Variants in FTCDNL1 observed in about 807,000 individuals in gnomAD.
The protein encoded by FTCDNL1 is formiminotransferase N-terminal subdomain-containing protein.
Under a neutral mutation model 5.9 loss-of-function variants are expected in FTCDNL1, and 11 were observed. That is an observed-to-expected ratio of 1.87 (90% CI 1.18 to 3.10). The LOEUF (loss-of-function observed/expected upper bound fraction) is 3.10, where lower values mean the gene tolerates loss of function less well. Ranked by LOEUF, FTCDNL1 falls within the 30% of genes most tolerant of loss-of-function variation. The pLI is 0.00. For missense variants in FTCDNL1, 115 were observed against 65.5 expected (o/e 1.76, Z -2.61); for synonymous variants, 58 against 24.8 (o/e 2.34, Z -3.99).
At position 199,812,371 on chromosome 2, in the gene FTCDNL1, AT is replaced by A. The variant is rs142764957; in HGVS notation, c.*333del. ...TCAAAACCAATACGGTGATCCAATTATACTGAATCAAATTCTGTGTTTAAAT... is the reference window on the plus strand; with the variant it reads ...TCAAAACCAATACGGTGATCCAATTAACTGAATCAAATTCTGTGTTTAAAT... On this transcript the variant is annotated 3_prime_UTR_variant, in exon 5 of 5. Coordinates refer to ENST00000420128, the MANE Select transcript of FTCDNL1 (RefSeq NM_001363886.2). 23,615 of 253,248 alleles carry A rather than the reference AT, an allele frequency of 0.093. 1,432 individuals carry two copies. The highest frequency in any genetic ancestry group is 0.17 in the Middle Eastern group (142 of 852). The allele number at this position is 253,248 out of a possible 1,614,324, so 15.7% of individuals were successfully genotyped here. A position where few individuals can be genotyped will look rare whatever the true frequency, so the allele number is the denominator to read the frequency against.
the FTCDNL1 span, among the ~76,000 whole-genome samples, chr2:199,716,484 T>C: frequency 6.6e-6 from 1 of 152,210 alleles, no homozygotes; most frequent in Non-Finnish European, 1.5e-5. Flanking sequence ...AGAGTAATTA[T>C]ATTGTCTACA....
At chr2:199,813,076 G>C (rs893056676) in intron 4 of FTCDNL1, among the ~76,000 whole-genome samples, 2 of 152,180 alleles carry the variant, frequency 1.3e-5, no homozygotes, top group African/African-American at 4.8e-5. Flanking sequence ...CATCTGATGT[G>C]TAGCTTTTGC....
At chr2:199,747,674 A>T in the FTCDNL1 span, among the ~76,000 whole-genome samples, 1 of 152,036 alleles carries the variant, frequency 6.6e-6, no homozygotes, top group Non-Finnish European at 1.5e-5. Flanking sequence ...ATCGTTTATG[A>T]TTTGCATTTC....
chr2:199,768,510 A>G (rs1200990790), intron 3 of FTCDNL1, among the ~76,000 whole-genome samples: 1 of 152,228 alleles, frequency 6.6e-6, no homozygotes, highest in Non-Finnish European at 1.5e-5. Context: ...AATGGCCCAG[A>G]GCAAAATCAT....
chr2:199,736,571 T>C, the FTCDNL1 span, among the ~76,000 whole-genome samples: 1 of 152,228 alleles, frequency 6.6e-6, no homozygotes, highest in African/African-American at 2.4e-5. Context: ...ACCTCTGTAT[T>C]GCTAATTCAA....
chr2:199,803,854 A>G (rs887336856), intron 3 of FTCDNL1, among the ~76,000 whole-genome samples: 1 of 152,184 alleles, frequency 6.6e-6, no homozygotes, highest in African/African-American at 2.4e-5. Context: ...CAATAGGCTA[A>G]GAGCACTTAG....
the FTCDNL1 span, among the ~76,000 whole-genome samples, chr2:199,733,232 C>T: frequency 6.6e-6 from 1 of 152,122 alleles, no homozygotes; most frequent in African/African-American, 2.4e-5. Flanking sequence ...AGCAGGAAAG[C>T]GTAAGGCAGG....
At chr2:199,761,259 A>T (rs1475715760) in intron 3 of FTCDNL1, among the ~76,000 whole-genome samples, 2 of 152,184 alleles carry the variant, frequency 1.3e-5, no homozygotes, top group African/African-American at 4.8e-5. Flanking sequence ...GGTCCTGCAC[A>T]ACCCACATCT....
At position 199,829,057 on chromosome 2, in the gene FTCDNL1, C is replaced by T. The variant is rs145663964; in HGVS notation, c.212-9300G>A. Among the ~76,000 whole-genome samples, 390 of 152,290 alleles carry T rather than the reference C, an allele frequency of 2.6e-3. 5 individuals are homozygous for T. Among genetic ancestry groups the T allele is most frequent in the African/African-American group, 8.9e-3 (370 of 41,570 alleles). ...CCTGTGGGATATCCATGCTGATCAG[C>T]TTTGTTAGACAAGGCATATATATGA... is the stretch of plus-strand genomic sequence containing the variant. On this transcript the variant is annotated intron_variant, in intron 3 of 4. Coordinates refer to ENST00000420128, the MANE Select transcript of FTCDNL1 (RefSeq NM_001363886.2).
chr2:199,742,796 A>G, the FTCDNL1 span, among the ~76,000 whole-genome samples: 1 of 152,212 alleles, frequency 6.6e-6, no homozygotes, highest in Admixed American at 6.5e-5. Context: ...GAAAAAGTTC[A>G]CTACAATAGA....
At chr2:199,762,052 G>GA (rs952613003) in intron 3 of FTCDNL1, among the ~76,000 whole-genome samples, 23 of 150,510 alleles carry the variant, frequency 1.5e-4, no homozygotes, top group African/African-American at 4.4e-4. Context: ...TAGCCGATGA[G>GA]AAAAAAAAAC....
At chr2:199,708,095 T>C in the FTCDNL1 span, among the ~76,000 whole-genome samples, 1 of 124,078 alleles carries the variant, frequency 8.1e-6, no homozygotes, top group Admixed American at 8.6e-5. Context: ...ATCACTGAGA[T>C]TCTGAGTTTT....
the FTCDNL1 span, among the ~76,000 whole-genome samples, chr2:199,726,798 C>A: frequency 6.6e-6 from 1 of 152,118 alleles, no homozygotes; most frequent in Non-Finnish European, 1.5e-5. Context: ...GGATCTCTGT[C>A]CCAGAGGGGC....
intron 3 of FTCDNL1, among the ~76,000 whole-genome samples, chr2:199,762,521 A>C (rs1040688433): frequency 6.6e-6 from 1 of 152,224 alleles, no homozygotes; most frequent in Non-Finnish European, 1.5e-5. Context: ...AGTTCCAGGA[A>C]AACTGGGGTC....
intron 3 of FTCDNL1, among the ~76,000 whole-genome samples, chr2:199,791,843 T>C (rs1479620456): frequency 6.6e-6 from 1 of 152,124 alleles, no homozygotes; most frequent in East Asian, 1.9e-4. Context: ...CATTCAAATA[T>C]ATGTATATGC....
chr2:199,803,605 CA>C (rs1208718192), intron 3 of FTCDNL1, among the ~76,000 whole-genome samples: 1 of 152,186 alleles, frequency 6.6e-6, no homozygotes. Context: ...GCTGGGACTA[CA>C]AGCGTGTATC....
the FTCDNL1 span, among the ~76,000 whole-genome samples, chr2:199,665,587 C>T: frequency 3.4e-5 from 5 of 147,778 alleles, no homozygotes; most frequent in Non-Finnish European, 5.9e-5. Flanking sequence ...GAGCCGAGAT[C>T]GTGCCATTTG....
At chr2:199,753,721 G>A in the FTCDNL1 span, among the ~76,000 whole-genome samples, 1 of 152,160 alleles carries the variant, frequency 6.6e-6, no homozygotes, top group African/African-American at 2.4e-5. Context: ...CTTCCTTACA[G>A]GGAGATAGCT....
At chr2:199,731,028 T>C in the FTCDNL1 span, among the ~76,000 whole-genome samples, 2 of 152,114 alleles carry the variant, frequency 1.3e-5, no homozygotes, top group Non-Finnish European at 2.9e-5. Context: ...AAAGAATGAG[T>C]TCATATCCTT....
Sources: gnomAD v4.1 joint callset for allele counts (sites outside exome capture counted in the v4.1 genomes callset) on GRCh38, gnomAD v4.1.1 for gene constraint, MANE v1.5 for transcripts, NCBI Gene and HGNC (gene_info 2026-07-23, HGNC 2026-07-21) for gene names.